VWA8: variants seen among roughly 807,000 people sequenced by gnomAD.
The protein encoded by VWA8 is von Willebrand factor A domain-containing protein 8.
VWA8 carries 221 observed loss-of-function variants against 241.5 expected under a neutral mutation model. The ratio of observed to expected loss-of-function variants is 0.91; its 90% CI spans 0.82 to 1.02. The LOEUF (loss-of-function observed/expected upper bound fraction) is 1.02, where lower values mean the gene tolerates loss of function less well. Among genes scored for constraint, VWA8 ranks in the 50% least tolerant of loss-of-function variants. The pLI, the probability that VWA8 is intolerant of heterozygous loss-of-function variation, is 0.00. For missense variants in VWA8, 2,322 were observed against 2,328.7 expected, an observed-to-expected ratio of 1.00 and a Z score of 0.06; for synonymous variants, 852 against 827.1, an observed-to-expected ratio of 1.03 and a Z score of -0.52.
intron 2 of VWA8, among the ~76,000 whole-genome samples, chr13:41,929,559 C>T (rs1353946589): frequency 6.6e-6 from 1 of 152,138 alleles, no homozygotes; most frequent in Non-Finnish European, 1.5e-5. Flanking sequence ...AAAAAAAAGA[C>T]AGACACATAG....
chr13:41,729,809 AC>A, intron 22 of VWA8, 132 bp from the exon 23 acceptor site: 1 of 454,214 alleles, frequency 2.2e-6, no homozygotes, highest in African/African-American at 2.2e-5. Flanking sequence ...ACACACACAC[AC>A]ACACACACAC....
intron 37 of VWA8, among the ~76,000 whole-genome samples, chr13:41,633,779 G>C (rs188587836): frequency 6.6e-6 from 1 of 152,172 alleles, no homozygotes. Flanking sequence ...TTAATCAGGG[G>C]TTTCTACAAT....
chr13:41,732,868 G>C (rs1448176391), intron 21 of VWA8, among the ~76,000 whole-genome samples: 1 of 152,144 alleles, frequency 6.6e-6, no homozygotes, highest in Non-Finnish European at 1.5e-5. Flanking sequence ...GGATATTCTT[G>C]CCAAAATGTG....
chr13:41,693,907 T>C (rs145779774), intron 29 of VWA8, among the ~76,000 whole-genome samples: 3 of 152,136 alleles, frequency 2.0e-5, no homozygotes, highest in Non-Finnish European at 2.9e-5. Flanking sequence ...GTCTTTTCTT[T>C]CTTTGTTTTA....
At chr13:41,654,617 A>G (rs909646457) in intron 37 of VWA8, among the ~76,000 whole-genome samples, 3 of 152,214 alleles carry the variant, frequency 2.0e-5, no homozygotes, top group Non-Finnish European at 4.4e-5. Flanking sequence ...GTCTGACAGG[A>G]GACAGCACTC....
chr13:41,604,162 C>T (rs1393563763), intron 40 of VWA8, among the ~76,000 whole-genome samples: 2 of 152,148 alleles, frequency 1.3e-5, no homozygotes, highest in Non-Finnish European at 2.9e-5. Context: ...TCAGAGCCAA[C>T]CTGGCAGTGT....
At chr13:41,846,303 T>C (rs118162958) in intron 12 of VWA8, among the ~76,000 whole-genome samples, 2,106 of 152,304 alleles carry the variant, frequency 0.014, 23 homozygotes, top group Middle Eastern at 0.027. Flanking sequence ...CTGGAGCAGA[T>C]ACTGCATTTG....
intron 12 of VWA8, among the ~76,000 whole-genome samples, chr13:41,838,300 A>G (rs1376104272): frequency 6.6e-6 from 1 of 152,212 alleles, no homozygotes; most frequent in Non-Finnish European, 1.5e-5. Flanking sequence ...GAATATCATT[A>G]GAATTATTTT....
intron 13 of VWA8, 28 bp from the exon 14 acceptor site, chr13:41,830,670 A>G (rs1369205066): frequency 6.3e-7 from 1 of 1,595,860 alleles, no homozygotes; most frequent in Non-Finnish European, 8.6e-7. Context: ...AAGCCCGAAA[A>G]TAAATTAATG....
chr13:41,859,634 T>C (rs184363519), intron 12 of VWA8, among the ~76,000 whole-genome samples: 67 of 152,280 alleles, frequency 4.4e-4, no homozygotes, highest in African/African-American at 1.4e-3. Context: ...TCTTCAACAC[T>C]ATGAAATCAC....
chr13:41,884,314 A>G (rs778830994), intron 8 of VWA8, among the ~76,000 whole-genome samples: 1 of 152,062 alleles, frequency 6.6e-6, no homozygotes, highest in Non-Finnish European at 1.5e-5. Context: ...ATGAGATCTG[A>G]TGGCTTTATA....
intron 29 of VWA8, 148 bp downstream of exon 29, chr13:41,698,923 A>T: frequency 1.1e-6 from 1 of 942,376 alleles, no homozygotes; most frequent in Non-Finnish European, 1.6e-6. Context: ...CTGCCTTTGT[A>T]GTACTGATAA....
In VWA8 at chr13:41,941,384, T is replaced by C. The variant is rs75209946; in HGVS notation, c.241+8552A>G. On this transcript the variant is annotated intron_variant, in intron 2 of 44. Transcript: ENST00000379310. ...ACTAATGCTATCCTCTGTTGAACGC[T>C]ATCAGGCAATGACAATGCTTCACGT... 5.5e-4 allele frequency among the ~76,000 whole-genome samples: 84 copies of C among 152,316 alleles called. 1 individual carries two copies. Among genetic ancestry groups the C allele is most frequent in the African/African-American group, 1.9e-3 (77 of 41,580 alleles).
In VWA8 at chr13:41,841,219, G is replaced by T. The variant is rs557933595; in HGVS notation, c.1426-7688C>A. ...GGATTAATGAACCCATGAATAGATT[G>T]CAGTTAATATAGGAATATACCAATA... On this transcript the variant is annotated intron_variant, in intron 12 of 44. Transcript: ENST00000379310. Among the ~76,000 whole-genome samples the T allele has an allele frequency of 2.0e-5, 3 of 152,238 alleles. No homozygotes were observed. The East Asian group carries it at 5.8e-4, about 29-fold the overall frequency.
At chr13:41,793,336 C>T (rs1370926931) in intron 17 of VWA8, among the ~76,000 whole-genome samples, 2 of 152,002 alleles carry the variant, frequency 1.3e-5, no homozygotes, top group Non-Finnish European at 2.9e-5. Flanking sequence ...TTCCAAATTG[C>T]TCATGAACCT....
chr13:41,754,913 A>G (rs897749571), intron 21 of VWA8, among the ~76,000 whole-genome samples: 1 of 152,034 alleles, frequency 6.6e-6, no homozygotes, highest in African/African-American at 2.4e-5. Context: ...AGTTGCACCC[A>G]TGTTTTTGCA....
intron 43 of VWA8, 115 bp downstream of exon 43, chr13:41,575,625 G>T: frequency 1.4e-6 from 1 of 691,126 alleles, no homozygotes; most frequent in Non-Finnish European, 2.4e-6. Context: ...ACTTGAATGT[G>T]TGTGAAACAG....
At chr13:41,720,341 T>C (rs1430079234) in intron 25 of VWA8, among the ~76,000 whole-genome samples, 1 of 152,158 alleles carries the variant, frequency 6.6e-6, no homozygotes, top group Non-Finnish European at 1.5e-5. Context: ...CTGAGCTGGC[T>C]GAATTGGACT....
rs1450750325 is a variant in VWA8, at chr13:41,947,952, AACAAAAC to A, written c.241+1977_241+1983del. Reference sequence around the variant, plus strand: ...GTCTCAAAAAAAAAAAAAAAAAAAAAACAAAACAAAACATTTTGGTAATTCCTTGAAA... The same window carrying A: ...GTCTCAAAAAAAAAAAAAAAAAAAAAAAAACATTTTGGTAATTCCTTGAAA... On this transcript the variant is annotated intron_variant, in intron 2 of 44. Coordinates refer to ENST00000379310, the MANE Select transcript of VWA8 (RefSeq NM_015058.2). Among the ~76,000 whole-genome samples the A allele has an allele frequency of 5.9e-4, 49 of 83,152 alleles. 8 individuals carry two copies. Among genetic ancestry groups the A allele is most frequent in the Admixed American group, 1.5e-3 (11 of 7,430 alleles). 54.6% of individuals were successfully genotyped at this position (83,152 alleles called of 152,430 possible).
Sources: gnomAD v4.1 joint callset for allele counts (sites outside exome capture counted in the v4.1 genomes callset) on GRCh38, gnomAD v4.1.1 for gene constraint, MANE v1.5 for transcripts, NCBI Gene and HGNC (gene_info 2026-07-23, HGNC 2026-07-21) for gene names.